GAREM2: variants seen among roughly 807,000 people sequenced by gnomAD.
GAREM2 encodes the protein GRB2-associated and regulator of MAPK protein 2.
GAREM2 carries 30 observed loss-of-function variants against 55.6 expected under a neutral mutation model. The ratio of observed to expected loss-of-function variants is 0.54; its 90% CI spans 0.40 to 0.73. The LOEUF (loss-of-function observed/expected upper bound fraction) is 0.73. Among genes scored for constraint, GAREM2 ranks in the 30% least tolerant of loss-of-function variants. The pLI, the probability that GAREM2 is intolerant of heterozygous loss-of-function variation, is 0.00. For missense variants in GAREM2, 1,075 were observed against 1,257.7 expected, an observed-to-expected ratio of 0.85 and a Z score of 2.20; for synonymous variants, 550 against 569.1, an observed-to-expected ratio of 0.97 and a Z score of 0.48.
At chr2:26,175,629 C>CTTT in intron 1 of GAREM2, among the ~76,000 whole-genome samples, 2 of 152,140 alleles carry the variant, frequency 1.3e-5, no homozygotes, top group Admixed American at 1.3e-4. Flanking sequence ...GACTCCCCCC[C>CTTT]TCTCCTTCGA....
Position 26,183,032 on chromosome 2 carries a change from G to A in GAREM2, c.319G>A (p.Glu107Lys). The A allele has an allele frequency of 6.4e-7, 1 of 1,551,744 alleles. No homozygotes were observed. Among genetic ancestry groups the A allele is most frequent in the Non-Finnish European group, 8.7e-7 (1 of 1,146,994 alleles). Reference protein sequence around the residue: ...REPVRYFSSVEEVASVFPDRI... With the variant: ...REPVRYFSSVKEVASVFPDRI... ...GCCAGTGAGGTACTTCAGCAGCGTGGAGGAGGTGGCCAGTGTCTTCCCTGA... is the reference window on the plus strand; with the variant it reads ...GCCAGTGAGGTACTTCAGCAGCGTGAAGGAGGTGGCCAGTGTCTTCCCTGA... Residue 107 changes from glutamate (E) to lysine (K), a missense_variant, in exon 3 of 6, where the codon GAG becomes AAG. Glu to Lys is a moderately conservative substitution (Grantham distance 56, BLOSUM62 1). Around this residue, in one of 6 missense-constraint regions of GAREM2, gnomAD observed 230 missense variants for 310.6 expected, o/e 0.74. Transcript: ENST00000401533.
Position 26,189,525 on chromosome 2 carries a change from C to T in GAREM2, c.*1268C>T, listed in dbSNP as rs1669422969. On this transcript the variant is annotated 3_prime_UTR_variant, in exon 6 of 6. Transcript: ENST00000401533. Reference sequence around the variant, plus strand: ...GGTGCCCATACTCCAAGCAGGCTGCCTCAGCTCAGAGAAGTGGTCAGAGAG... The same window carrying T: ...GGTGCCCATACTCCAAGCAGGCTGCTTCAGCTCAGAGAAGTGGTCAGAGAG... 6.6e-6 allele frequency: 1 copy of T among 152,244 alleles called. No homozygotes were observed. The highest frequency in any genetic ancestry group is 2.1e-4 in the South Asian group (1 of 4,822). 9.4% of individuals were successfully genotyped at this position (152,244 alleles called of 1,614,324 possible). A position where few individuals can be genotyped will look rare whatever the true frequency, so the allele number is the denominator to read the frequency against.
In GAREM2 at chr2:26,185,293, G is replaced by A. The variant is rs1254538773; in HGVS notation, c.1428+17G>A. 1.3e-6 allele frequency: 2 copies of A among 1,494,812 alleles called. No homozygotes were observed. The highest frequency in any genetic ancestry group is 1.4e-5 in the African/African-American group (1 of 69,206). 92.6% of individuals were successfully genotyped at this position (1,494,812 alleles called of 1,614,324 possible). On this transcript the variant is annotated intron_variant, in intron 4 of 5. Transcript: ENST00000401533. Reference sequence around the variant, plus strand: ...TCCGAGGCGGTGAGTGAGCGCGCTGGGGGCCGAGTCCCGGGTCCAGCCAGG... The same window carrying A: ...TCCGAGGCGGTGAGTGAGCGCGCTGAGGGCCGAGTCCCGGGTCCAGCCAGG...
chr2:26,201,323 A>G, the GAREM2 span: 3 of 1,596,314 alleles, frequency 1.9e-6, no homozygotes, highest in South Asian at 3.3e-5. Flanking sequence ...CATTCAATCT[A>G]GAAAAAACAC....
intron 5 of GAREM2, 60 bp from the exon 6 acceptor site, chr2:26,187,171 C>G: frequency 1.4e-6 from 2 of 1,409,236 alleles, no homozygotes; most frequent in Non-Finnish European, 1.9e-6. Context: ...ATGTGTGACC[C>G]TATCGGATTC....
At chr2:26,176,624 A>G (rs1233689975) in intron 2 of GAREM2, 140 bp downstream of exon 2, 3 of 728,066 alleles carry the variant, frequency 4.1e-6, no homozygotes, top group Non-Finnish European at 5.8e-6. Context: ...AGCAGTTTTC[A>G]TTCTGTTCTG....
At position 26,182,290 on chromosome 2, in the gene GAREM2, C is replaced by A. The variant is rs1669075656; in HGVS notation, c.254-677C>A. On this transcript the variant is annotated intron_variant, in intron 2 of 5. Transcript: ENST00000401533. ...AGACTGCAGGTTGGGAAGGCCTACT[C>A]TCAGGGAGGTGGCTTTGCTGGGTTC... 20 of 1,439,694 alleles carry A rather than the reference C, an allele frequency of 1.4e-5. No individual in the cohort carries two copies. The South Asian group carries it at 2.8e-4, about 21-fold the overall frequency. The allele number at this position is 1,439,694 out of a possible 1,614,324, so 89.2% of individuals were successfully genotyped here.
Position 26,179,210 on chromosome 2 carries a change from C to T in GAREM2, c.253+2726C>T, listed in dbSNP as rs1286103148. 6.6e-6 allele frequency among the ~76,000 whole-genome samples: 1 copy of T among 151,726 alleles called. No individual in the cohort carries two copies. Among genetic ancestry groups the T allele is most frequent in the Non-Finnish European group, 1.5e-5 (1 of 67,894 alleles). On this transcript the variant is annotated intron_variant, in intron 2 of 5. Coordinates refer to ENST00000401533, the MANE Select transcript of GAREM2 (RefSeq NM_001168241.2). This position sits in a 1 kb window ranked among gnomAD's most constrained non-coding sequence, Gnocchi z 4.7. Reference sequence around the variant, plus strand: ...CCCCCGTCCCAGCCCCCGCCCCTGGCCCTGCGGGAGGGGCCAGGCGTCTTC... The same window carrying T: ...CCCCCGTCCCAGCCCCCGCCCCTGGTCCTGCGGGAGGGGCCAGGCGTCTTC...
chr2:26,193,551 A>T (rs759125902), downstream of GAREM2: 2 of 1,556,856 alleles, frequency 1.3e-6, no homozygotes, highest in Non-Finnish European at 1.8e-6. Context: ...TAATGGTGCT[A>T]GTTATGTTTC....
At chr2:26,181,278 C>A in intron 2 of GAREM2, 2 of 308,236 alleles carry the variant, frequency 6.5e-6, no homozygotes, top group Non-Finnish European at 9.5e-6. Context: ...CTAAGTCCTT[C>A]CCTGCAGGCA....
chr2:26,190,892 A>G (rs1238631306), downstream of GAREM2: 1 of 370,624 alleles, frequency 2.7e-6, no homozygotes, highest in Non-Finnish European at 5.0e-6. Context: ...TTTGGTTTTT[A>G]TTGTTATGTG....
intron 2 of GAREM2, 61 bp downstream of exon 2, chr2:26,176,545 G>T: frequency 7.2e-7 from 1 of 1,390,846 alleles, no homozygotes; most frequent in South Asian, 1.6e-5. Flanking sequence ...GGAGGGACTG[G>T]GGCCAGGGGT....
At chr2:26,191,167 A>C (rs763715502), downstream of GAREM2, 1 of 1,397,348 alleles carries the variant, frequency 7.2e-7, no homozygotes, top group Non-Finnish European at 1.0e-6. Context: ...TTACTCTGAT[A>C]AATCTAGACA....
At chr2:26,182,606 C>A in intron 2 of GAREM2, 1 of 1,028,660 alleles carries the variant, frequency 9.7e-7, no homozygotes, top group Non-Finnish European at 1.5e-6. Flanking sequence ...GAGCAAGGAG[C>A]CAGCATCCCG....
intron 2 of GAREM2, among the ~76,000 whole-genome samples, chr2:26,177,809 T>A (rs1258484814): frequency 6.6e-6 from 1 of 152,192 alleles, no homozygotes; most frequent in African/African-American, 2.4e-5. Context: ...GTATTTTTAG[T>A]AGAGACAGGG....
rs1669299312 is a variant in GAREM2 at position 26,187,270 on chromosome 2, C to T, written c.1638C>T (p.Asp546=). The change falls in exon 6 of 6, where the codon GAC becomes GAT. Residue 546 remains aspartate (D), a synonymous_variant. Transcript: ENST00000401533. ...SRSGSGSPSP[D]TYSLYCYPCT... ...GTGGCAGTGGCTCCCCATCGCCGGA[C>T]ACCTACTCCCTCTATTGCTACCCAT... The T allele has an allele frequency of 6.8e-7, 1 of 1,460,978 alleles. No homozygotes were observed. Among genetic ancestry groups the T allele is most frequent in the African/African-American group, 1.4e-5 (1 of 70,100 alleles). 90.5% of individuals were successfully genotyped at this position (1,460,978 alleles called of 1,614,324 possible).
chr2:26,177,819 G>A (rs750788272), intron 2 of GAREM2, among the ~76,000 whole-genome samples: 1 of 152,160 alleles, frequency 6.6e-6, no homozygotes, highest in African/African-American at 2.4e-5. Flanking sequence ...TAGAGACAGG[G>A]TTTCACCATG....
In GAREM2 at chr2:26,173,260, A is replaced by C; in HGVS notation, c.40A>C (p.Ser14Arg). ...GGCCGGGCTGGCCGGCCTGCGCTGG[A>C]GCATGGGCGCCTTCCCGCTCGACCT... is the stretch of plus-strand genomic sequence containing the variant. Reference protein sequence around the residue: ...LAAGLAGLRWSMGAFPLDLIV... With the variant: ...LAAGLAGLRWRMGAFPLDLIV... Residue 14 changes from serine to arginine, a missense_variant, in exon 1 of 6, where the codon AGC becomes CGC. Coordinates refer to ENST00000401533, the MANE Select transcript of GAREM2 (RefSeq NM_001168241.2). The C allele has an allele frequency of 2.8e-6, 4 of 1,412,962 alleles. No individual in the cohort carries two copies. The highest frequency in any genetic ancestry group is 3.7e-6 in the Non-Finnish European group (4 of 1,079,124). The allele number at this position is 1,412,962 out of a possible 1,614,324, so 87.5% of individuals were successfully genotyped here.
chr2:26,185,214 G>T lies in GAREM2; in HGVS notation c.1366G>T (p.Ala456Ser), dbSNP rs779430648. Residue 456 changes from alanine to serine, a missense_variant, in exon 4 of 6, where the codon GCG becomes TCG. By Grantham distance (99) the Ala-to-Ser change is moderately conservative. Around this residue, in one of 6 missense-constraint regions of GAREM2, gnomAD observed 515 missense variants for 501.5 expected, o/e 1.03. Transcript: ENST00000401533. Reference sequence around the variant, plus strand: ...GCTCGATCTCATCTCCTTCGGGGCCGCGGGACCGCCGCGTCGGGAGCCGGA... The same window carrying T: ...GCTCGATCTCATCTCCTTCGGGGCCTCGGGACCGCCGCGTCGGGAGCCGGA... Reference protein sequence around the residue: ...PGLDLISFGAAGPPRREPEAP... With the variant: ...PGLDLISFGASGPPRREPEAP... 3.5e-5 allele frequency: 54 copies of T among 1,521,326 alleles called. No homozygotes were observed. Among genetic ancestry groups the T allele is most frequent in the Admixed American group, 2.2e-4 (11 of 50,278 alleles). The allele number at this position is 1,521,326 out of a possible 1,614,324, so 94.2% of individuals were successfully genotyped here. A position where few individuals can be genotyped will look rare whatever the true frequency, so the allele number is the denominator to read the frequency against.
Sources: gnomAD v4.1 joint callset for allele counts (sites outside exome capture counted in the v4.1 genomes callset) on GRCh38, gnomAD v4.1.1 for gene constraint, gnomAD v4.1.1 regional missense constraint, Gnocchi (gnomAD v3.1) non-coding constraint, MANE v1.5 for transcripts, NCBI Gene and HGNC (gene_info 2026-07-23, HGNC 2026-07-21) for gene names.